Variants in SLAMF9 observed in about 807,000 individuals in gnomAD.
SLAMF9 encodes the protein CD2 family member 10.
Under a neutral mutation model 30.4 loss-of-function variants are expected in SLAMF9, and 25 were observed. The ratio of observed to expected loss-of-function variants is 0.82; its 90% CI spans 0.60 to 1.15. The LOEUF (loss-of-function observed/expected upper bound fraction) is 1.15, where lower values mean the gene tolerates loss of function less well. Ranked by LOEUF, SLAMF9 falls within the 50% of genes most tolerant of loss-of-function variation. SLAMF9 has a pLI of 0.00. For synonymous variants in SLAMF9, 129 were observed against 127.2 expected, an observed-to-expected ratio of 1.01 and a Z score of -0.09; for missense variants, 344 against 346.1, an observed-to-expected ratio of 0.99 and a Z score of 0.05.
At chr1:159,956,508 C>G (rs1331923263), upstream of SLAMF9, among the ~76,000 whole-genome samples, 6 of 151,920 alleles carry the variant, frequency 3.9e-5, no homozygotes, top group Non-Finnish European at 8.8e-5. Context: ...ACCAGCAAAA[C>G]TTAACCAGCA....
the SLAMF9 span, chr1:159,973,053 G>A: frequency 5.6e-6 from 8 of 1,435,396 alleles, 1 homozygote; most frequent in Admixed American, 2.7e-5. Context: ...ACCCTCGGGG[G>A]CCGCCTCACA....
rs1410684122 is a variant in SLAMF9, at chr1:159,952,481, C to T, written c.445G>A (p.Ala149Thr). ...TVNFESSGEGACSMSLVCSVE... is the reference protein window; with the variant it reads ...TVNFESSGEGTCSMSLVCSVE... ...GAGCACACCAGGGACATACTGCAGG[C>T]ACCTTCCCCAGAACTCTCAAAGTTC... The change falls in exon 3 of 4, where the codon GCC (alanine) becomes ACC (threonine). Residue 149 changes from alanine (A) to threonine (T), a missense_variant. Ala to Thr is a moderately conservative substitution (Grantham distance 58). Transcript: ENST00000368093. The T allele has an allele frequency of 3.1e-6, 5 of 1,614,096 alleles. No individual in the cohort carries two copies. Among genetic ancestry groups the T allele is most frequent in the Non-Finnish European group, 4.2e-6 (5 of 1,179,998 alleles).
the SLAMF9 span, among the ~76,000 whole-genome samples, chr1:159,964,830 C>A: frequency 1.3e-5 from 2 of 152,292 alleles, no homozygotes; most frequent in South Asian, 2.1e-4. Flanking sequence ...TATTTGTATT[C>A]CTTTGCTGTT....
intron 3 of SLAMF9, 150 bp from the exon 4 acceptor site, chr1:159,952,016 A>C (rs1411895291): frequency 2.7e-6 from 2 of 741,108 alleles, no homozygotes; most frequent in Non-Finnish European, 4.4e-6. Flanking sequence ...TATTCTATGC[A>C]CAGAAGCTCA....
the SLAMF9 span, among the ~76,000 whole-genome samples, chr1:159,963,337 A>G: frequency 6.6e-6 from 1 of 152,210 alleles, no homozygotes; most frequent in Non-Finnish European, 1.5e-5. Flanking sequence ...AGTCTCTAAC[A>G]TAAGACACGA....
chr1:159,964,505 T>A, the SLAMF9 span, among the ~76,000 whole-genome samples: 1 of 152,274 alleles, frequency 6.6e-6, no homozygotes, highest in Middle Eastern at 3.4e-3. Context: ...GGAGTTCTGA[T>A]GCAGAACTTG....
At chr1:159,968,705 A>G in the SLAMF9 span, among the ~76,000 whole-genome samples, 3 of 152,196 alleles carry the variant, frequency 2.0e-5, no homozygotes, top group African/African-American at 7.2e-5. Flanking sequence ...GAAGCCTGGT[A>G]GCAGCACACC....
At chr1:159,971,500 G>C in the SLAMF9 span, among the ~76,000 whole-genome samples, 5 of 152,294 alleles carry the variant, frequency 3.3e-5, no homozygotes, top group East Asian at 9.6e-4. Flanking sequence ...ATTCTAGCAG[G>C]GACCCTCTGT....
At chr1:159,963,045 T>A in the SLAMF9 span, among the ~76,000 whole-genome samples, 1 of 152,164 alleles carries the variant, frequency 6.6e-6, no homozygotes, top group Admixed American at 6.6e-5. Context: ...GGGTGGGCAG[T>A]GTCGAAGAGC....
the SLAMF9 span, among the ~76,000 whole-genome samples, chr1:159,968,712 C>T: frequency 1.3e-5 from 2 of 152,276 alleles, no homozygotes; most frequent in East Asian, 1.9e-4. Flanking sequence ...GGTAGCAGCA[C>T]ACCAACAATG....
chr1:159,967,372 T>G, the SLAMF9 span, among the ~76,000 whole-genome samples: 2 of 152,204 alleles, frequency 1.3e-5, no homozygotes. Flanking sequence ...CACCATTTAT[T>G]GAATAGATTG....
chr1:159,966,965 A>G, the SLAMF9 span, among the ~76,000 whole-genome samples: 1 of 151,844 alleles, frequency 6.6e-6, no homozygotes. Flanking sequence ...TTGTTTTGCT[A>G]TGCATAAACT....
At chr1:159,974,090 C>T in the SLAMF9 span, 1 of 1,522,148 alleles carries the variant, frequency 6.6e-7, no homozygotes, top group Non-Finnish European at 9.1e-7. Context: ...ACAGGGCAGC[C>T]CTGGAGCTGC....
Position 159,954,198 on chromosome 1 carries a change from A to G in SLAMF9, c.-61T>C. On this transcript the variant is annotated 5_prime_UTR_variant, in exon 1 of 4. Transcript: ENST00000368093. ...CAGTCAGTCCCCAGGACTGTGCAGAAGACTGCATTAGGAGGCTCCTAGACA... is the reference window on the plus strand; with the variant it reads ...CAGTCAGTCCCCAGGACTGTGCAGAGGACTGCATTAGGAGGCTCCTAGACA... 2 of 1,592,522 alleles carry G rather than the reference A, an allele frequency of 1.3e-6. No individual in the cohort carries two copies. The highest frequency in any genetic ancestry group is 1.7e-5 in the Admixed American group (1 of 59,374).
upstream of SLAMF9, among the ~76,000 whole-genome samples, chr1:159,956,303 A>AT (rs1247789453): frequency 5.9e-5 from 9 of 152,120 alleles, no homozygotes; most frequent in Non-Finnish European, 8.8e-5. Flanking sequence ...CCATGTCTAC[A>AT]AAAAAAATTT....
chr1:159,981,826 G>A, the SLAMF9 span, among the ~76,000 whole-genome samples: 47 of 152,360 alleles, frequency 3.1e-4, no homozygotes, highest in African/African-American at 9.9e-4. Flanking sequence ...GTGAGGCCTC[G>A]CTAAGAGGCG....
chr1:159,972,908 G>A, the SLAMF9 span: 4 of 1,000,594 alleles, frequency 4.0e-6, no homozygotes, highest in East Asian at 1.2e-4. Flanking sequence ...CTCTCCTGGG[G>A]ACACTTCCCA....
intron 3 of SLAMF9, 76 bp downstream of exon 3, chr1:159,952,186 A>C: frequency 7.1e-6 from 11 of 1,538,822 alleles, no homozygotes; most frequent in Non-Finnish European, 9.8e-6. Flanking sequence ...TCTCTTGGGA[A>C]GAGCTGGGGG....
chr1:159,979,486 G>A, the SLAMF9 span, among the ~76,000 whole-genome samples: 1 of 152,136 alleles, frequency 6.6e-6, no homozygotes, highest in East Asian at 1.9e-4. Flanking sequence ...AGCTCATGTT[G>A]GCAAATGTGC....
Sources: allele counts gnomAD v4.1 joint callset (sites outside exome capture counted in the v4.1 genomes callset), GRCh38; gene constraint gnomAD v4.1.1; transcripts MANE v1.5; gene names NCBI Gene and HGNC (gene_info 2026-07-23, HGNC 2026-07-21).